The following SLC2A9 variants were observed in gnomAD, a reference collection of about 807,000 sequenced individuals.
SLC2A9 encodes solute carrier family 2 member 9, also known as solute carrier family 2, facilitated glucose transporter member 9.
A neutral mutation model predicts 50.6 loss-of-function variants in SLC2A9; 39 were observed. That is an observed-to-expected ratio of 0.77 (90% CI 0.60 to 1.01). SLC2A9 has a LOEUF of 1.01. Among genes scored for constraint, SLC2A9 ranks in the 50% least tolerant of loss-of-function variants. SLC2A9 has a pLI of 0.00. For missense variants in SLC2A9, 686 were observed against 677.6 expected (o/e 1.01, Z -0.14); for synonymous variants, 324 against 276.9 (o/e 1.17, Z -1.69).
At chr4:9,845,323 T>C (rs1480043870) in intron 10 of SLC2A9, among the ~76,000 whole-genome samples, 2 of 151,662 alleles carry the variant, frequency 1.3e-5, no homozygotes, top group Non-Finnish European at 2.9e-5. Context: ...AAAAGTTCAA[T>C]TTTAATTTTA....
At chr4:9,922,481 T>TA (rs901795477) in intron 6 of SLC2A9, among the ~76,000 whole-genome samples, 61 of 151,118 alleles carry the variant, frequency 4.0e-4, no homozygotes, top group African/African-American at 1.3e-3. Flanking sequence ...CTTTAAAATT[T>TA]AAAAAAAAAA....
chr4:9,976,956 C>T (rs546388950), intron 5 of SLC2A9, among the ~76,000 whole-genome samples: 6 of 152,312 alleles, frequency 3.9e-5, no homozygotes, highest in South Asian at 2.1e-4. Flanking sequence ...ATGTGCCAGA[C>T]GCCTGAGAGT....
At chr4:9,944,909 C>T (rs985541986) in intron 5 of SLC2A9, among the ~76,000 whole-genome samples, 1 of 152,210 alleles carries the variant, frequency 6.6e-6, no homozygotes, top group South Asian at 2.1e-4. Flanking sequence ...CCATATTATA[C>T]ATGTGGCCCA....
chr4:9,835,907 T>C (rs1726996812), intron 10 of SLC2A9, among the ~76,000 whole-genome samples: 1 of 151,710 alleles, frequency 6.6e-6, no homozygotes, highest in Non-Finnish European at 1.5e-5. Context: ...ACTAACATGG[T>C]GAAACCCCAT....
At chr4:10,033,831 C>T (rs1007162938) in intron 1 of SLC2A9, among the ~76,000 whole-genome samples, 2 of 152,190 alleles carry the variant, frequency 1.3e-5, no homozygotes, top group Non-Finnish European at 2.9e-5. Flanking sequence ...AAATCCAGGG[C>T]GAGGGCCACC....
intron 10 of SLC2A9, among the ~76,000 whole-genome samples, chr4:9,864,817 T>A (rs531853967): frequency 6.6e-6 from 1 of 152,228 alleles, no homozygotes; most frequent in Admixed American, 6.5e-5. Context: ...GCCTGTGTTG[T>A]CTCGCATGGC....
intron 3 of SLC2A9, among the ~76,000 whole-genome samples, chr4:9,802,844 G>A (rs905271983): frequency 1.1e-4 from 17 of 152,244 alleles, no homozygotes; most frequent in African/African-American, 3.1e-4. Flanking sequence ...GATTACAGGC[G>A]TGAGCCACAG....
chr4:9,996,082 C>T (rs552394939), intron 3 of SLC2A9: 7 of 153,436 alleles, frequency 4.6e-5, no homozygotes, highest in Non-Finnish European at 1.0e-4. Flanking sequence ...AGGAATGAGG[C>T]TCACAAGGTC....
intron 8 of SLC2A9, among the ~76,000 whole-genome samples, chr4:9,904,505 A>C (rs188870086): frequency 7.2e-5 from 11 of 152,298 alleles, no homozygotes; most frequent in African/African-American, 1.2e-4. Flanking sequence ...ATCCAGGGTT[A>C]GCTCCCTATC....
Position 9,774,186 on chromosome 4 carries a change from G to A in SLC2A9, n.182-2817C>T, listed in dbSNP as rs149730277. ...TTTTTGTATTTTTAGTAGAGATGGG[G>A]TTTTGCCATGTTGGTCAGGCTGGTC... On this transcript the variant is annotated intron_variant and non_coding_transcript_variant, in intron 1 of 1. Coordinates refer to the SLC2A9 transcript ENST00000508585. Among the ~76,000 whole-genome samples the A allele has an allele frequency of 2.4e-3, 371 of 152,072 alleles. 3 individuals carry two copies. Among genetic ancestry groups the A allele is most frequent in the African/African-American group, 8.2e-3 (340 of 41,470 alleles).
Position 9,944,275 on chromosome 4 carries a change from G to T in SLC2A9, c.682-2230C>A, listed in dbSNP as rs76305884. Among the ~76,000 whole-genome samples the T allele has an allele frequency of 3.5e-3, 526 of 152,334 alleles. 4 individuals carry two copies. The highest frequency in any genetic ancestry group is 0.012 in the African/African-American group (479 of 41,580). Reference sequence around the variant, plus strand: ...TGCCTTTCCATGGCTCTTGGACTTGGCTTGAGGACAACAGGAGCCTTTGAG... The same window carrying T: ...TGCCTTTCCATGGCTCTTGGACTTGTCTTGAGGACAACAGGAGCCTTTGAG... On this transcript the variant is annotated intron_variant, in intron 5 of 11. Coordinates refer to ENST00000264784, the MANE Select transcript of SLC2A9 (RefSeq NM_020041.3).
intron 1 of SLC2A9, chr4:10,034,169 C>A (rs888353982): frequency 5.3e-5 from 8 of 152,282 alleles, no homozygotes; most frequent in African/African-American, 1.9e-4. Flanking sequence ...ATTACTATTT[C>A]ATGACTCAAA....
chr4:10,033,740 G>A (rs763983863), intron 1 of SLC2A9, among the ~76,000 whole-genome samples: 3 of 152,174 alleles, frequency 2.0e-5, no homozygotes, highest in South Asian at 2.1e-4. Context: ...CTGCCTGGCC[G>A]ACCTGGGTGG....
In SLC2A9 at chr4:10,030,549, G is replaced by T. The variant is rs117722291; in HGVS notation, c.-40-4543C>A. Among the ~76,000 whole-genome samples, 7 of 152,224 alleles carry T rather than the reference G, an allele frequency of 4.6e-5. No homozygotes were observed. In the East Asian group the frequency reaches 1.4e-3, roughly 29 times the overall value. On this transcript the variant is annotated intron_variant, in intron 1 of 12. Transcript: ENST00000309065. ...ATCCTAAGGGGATGTTGCTCAGGGTGGGGGTGATAGGCCATTCAAGTGTGT... is the reference window on the plus strand; with the variant it reads ...ATCCTAAGGGGATGTTGCTCAGGGTTGGGGTGATAGGCCATTCAAGTGTGT...
At chr4:9,916,748 T>A (rs1742912082) in intron 7 of SLC2A9, among the ~76,000 whole-genome samples, 1 of 152,210 alleles carries the variant, frequency 6.6e-6, no homozygotes, top group African/African-American at 2.4e-5. Flanking sequence ...AGAACCACCA[T>A]GACCCTGGGC....
chr4:9,899,344 G>T (rs1739176920), intron 8 of SLC2A9, among the ~76,000 whole-genome samples: 1 of 152,244 alleles, frequency 6.6e-6, no homozygotes. Context: ...AGCTCCCTCT[G>T]CAGAGAACAG....
At chr4:10,020,292 C>T (rs936940229) in intron 1 of SLC2A9, among the ~76,000 whole-genome samples, 3 of 152,106 alleles carry the variant, frequency 2.0e-5, no homozygotes, top group Non-Finnish European at 4.4e-5. Context: ...TCAGCTTTAC[C>T]TCCAGGGCCA....
chr4:9,804,623 C>T (rs185021027), intron 3 of SLC2A9, among the ~76,000 whole-genome samples: 99 of 152,272 alleles, frequency 6.5e-4, no homozygotes, highest in East Asian at 4.6e-3. Flanking sequence ...GATTTTGAGG[C>T]TATATCCTGT....
In SLC2A9 at chr4:9,815,157, G is replaced by A. The variant is rs80224261; in HGVS notation, n.420+11263C>T. Among the ~76,000 whole-genome samples, 902 of 152,256 alleles carry A rather than the reference G, an allele frequency of 5.9e-3. 32 individuals are homozygous for A. The East Asian group carries it at 0.081, about 14-fold the overall frequency. On this transcript the variant is annotated intron_variant and non_coding_transcript_variant, in intron 3 of 3. Coordinates refer to the SLC2A9 transcript ENST00000503280. Reference sequence around the variant, plus strand: ...TATTTATGCAAACTTGAAGATAAATGAGCACTGCTAGGTGGAAAGCCCACG... The same window carrying A: ...TATTTATGCAAACTTGAAGATAAATAAGCACTGCTAGGTGGAAAGCCCACG...
Sources: allele counts gnomAD v4.1 joint callset (sites outside exome capture counted in the v4.1 genomes callset), GRCh38; gene constraint gnomAD v4.1.1; transcripts MANE v1.5; gene names NCBI Gene and HGNC (gene_info 2026-07-23, HGNC 2026-07-21).